PTCD3: variants seen among roughly 807,000 people sequenced by gnomAD.
PTCD3 encodes the protein pentatricopeptide repeat domain 3.
A neutral mutation model predicts 101.9 loss-of-function variants in PTCD3; 89 were observed. That is an observed-to-expected ratio of 0.87 (90% CI 0.74 to 1.04). PTCD3 has a LOEUF of 1.04. PTCD3 is among the 50% of genes least tolerant of loss of function. PTCD3 has a pLI of 0.00. For synonymous variants in PTCD3, 296 were observed against 278.5 expected (o/e 1.06, Z -0.63); for missense variants, 870 against 828.2 (o/e 1.05, Z -0.62).
chr2:86,137,140 A>C lies in PTCD3; in HGVS notation c.1979A>C (p.Lys660Thr). Reference protein sequence around the residue: ...MSDFAINQEQKEALSNLTALT... With the variant: ...MSDFAINQEQTEALSNLTALT... The stretch of plus-strand genomic sequence containing the variant: ...GATTTTGCAATCAACCAGGAACAAA[A>C]GTAAGTGGTCACCATGAAGCATAGT... The change falls in exon 23 of 24, where the codon AAG (lysine) becomes ACG (threonine). Residue 660 changes from lysine (K) to threonine (T), a missense_variant and splice_region_variant. Transcript: ENST00000254630. 4 of 1,579,162 alleles carry C rather than the reference A, an allele frequency of 2.5e-6. No individual in the cohort carries two copies. The highest frequency in any genetic ancestry group is 3.4e-6 in the Non-Finnish European group (4 of 1,163,776).
At position 86,132,358 on chromosome 2, in the gene PTCD3, A is replaced by T. The variant is rs375042597; in HGVS notation, c.1307A>T (p.His436Leu). Residue 436 changes from histidine (H) to leucine (L), a missense_variant, in exon 17 of 24, where the codon CAT becomes CTT. Coordinates refer to ENST00000254630, the MANE Select transcript of PTCD3 (RefSeq NM_017952.6). Reference sequence around the variant, plus strand: ...GATCTAGAACTTGCCTACCAAGTACATGGCCTTTTAAAAACCGGAGACAAC... The same window carrying T: ...GATCTAGAACTTGCCTACCAAGTACTTGGCCTTTTAAAAACCGGAGACAAC... ...LRDLELAYQVHGLLKTGDNWK... is the reference protein window; with the variant it reads ...LRDLELAYQVLGLLKTGDNWK... 1 of 1,609,320 alleles carries T rather than the reference A, an allele frequency of 6.2e-7. No individual in the cohort carries two copies. The highest frequency in any genetic ancestry group is 8.5e-7 in the Non-Finnish European group (1 of 1,175,960).
chr2:86,112,382 T>C (rs2104448444), intron 4 of PTCD3, among the ~76,000 whole-genome samples: 1 of 144,958 alleles, frequency 6.9e-6, no homozygotes, highest in East Asian at 2.2e-4. Context: ...AAGAATAAAA[T>C]TATTGGCCAG....
At chr2:86,127,847 A>G (rs1674423525) in intron 13 of PTCD3, 94 bp from the exon 14 acceptor site, 1 of 996,738 alleles carries the variant, frequency 1.0e-6, no homozygotes, top group South Asian at 1.3e-5. Context: ...TATTAACAAT[A>G]TGTTTTTAAT....
rs1418564969 is a variant in PTCD3 at position 86,135,007 on chromosome 2, T to C, written c.1778+20T>C. 26 of 1,601,410 alleles carry C rather than the reference T, an allele frequency of 1.6e-5. No individual in the cohort carries two copies. Among genetic ancestry groups the C allele is most frequent in the Non-Finnish European group, 2.2e-5 (26 of 1,172,796 alleles). ...AGCCTGGTGAGTACAGTACCACAAG[T>C]ATACACTTTAGAAGCTTTTGTATTT... is the stretch of plus-strand genomic sequence containing the variant. On this transcript the variant is annotated intron_variant, in intron 21 of 23. Coordinates refer to ENST00000254630, the MANE Select transcript of PTCD3 (RefSeq NM_017952.6).
Position 86,127,193 on chromosome 2 carries a change from G to A in PTCD3, c.984G>A (p.Val328=). 2 of 1,613,672 alleles carry A rather than the reference G, an allele frequency of 1.2e-6. No homozygotes were observed. Among genetic ancestry groups the A allele is most frequent in the Non-Finnish European group, 1.7e-6 (2 of 1,179,846 alleles). ...ELLRHMVAQK[V]KPNLQTFNTI... ...TAAGACACATGGTTGCACAGAAGGTGAAACCAAATCTTCAGACTTTTAATA... is the reference window on the plus strand; with the variant it reads ...TAAGACACATGGTTGCACAGAAGGTAAAACCAAATCTTCAGACTTTTAATA... Residue 328 remains valine (V), a synonymous_variant, in exon 13 of 24, where the codon GTG becomes GTA. Coordinates refer to ENST00000254630, the MANE Select transcript of PTCD3 (RefSeq NM_017952.6).
chr2:86,136,669 A>G, intron 22 of PTCD3, 107 bp downstream of exon 22: 1 of 1,312,666 alleles, frequency 7.6e-7, no homozygotes, highest in Non-Finnish European at 1.1e-6. Context: ...TCTGTTAGGC[A>G]AGCATACCGT....
chr2:86,106,326 T>G lies in PTCD3; in HGVS notation c.79T>G (p.Leu27Val). The change falls in exon 1 of 24, where the codon TTG (leucine) becomes GTG (valine). Residue 27 changes from leucine to valine, a missense_variant. Transcript: ENST00000254630. ...GCCGCTGACGGGTCGGCGGGCGGGTTTGTGTGAACAGGCACGCAGCTGCAG... is the reference window on the plus strand; with the variant it reads ...GCCGCTGACGGGTCGGCGGGCGGGTGTGTGTGAACAGGCACGCAGCTGCAG... Reference protein sequence around the residue: ...GQPLTGRRAGLCEQARSCRFY... With the variant: ...GQPLTGRRAGVCEQARSCRFY... 1.2e-6 allele frequency: 2 copies of G among 1,613,964 alleles called. No individual in the cohort carries two copies.
chr2:86,121,262 A>G (rs780937524), intron 7 of PTCD3, among the ~76,000 whole-genome samples: 19 of 152,234 alleles, frequency 1.2e-4, no homozygotes, highest in Non-Finnish European at 2.1e-4. Flanking sequence ...TTGTGTTCCA[A>G]TCTTCTACGT....
chr2:86,113,453 C>G (rs1009271440), intron 4 of PTCD3, among the ~76,000 whole-genome samples: 4 of 152,052 alleles, frequency 2.6e-5, no homozygotes, highest in African/African-American at 9.7e-5. Flanking sequence ...CTCCTTAAGT[C>G]GATTATTACA....
At chr2:86,127,330 T>C in intron 13 of PTCD3, 25 bp downstream of exon 13, 2 of 1,608,788 alleles carry the variant, frequency 1.2e-6, no homozygotes, top group Non-Finnish European at 1.7e-6. Context: ...TTGAGTTCTC[T>C]GAGGACAGAG....
rs975911932 is a variant in PTCD3 at position 86,138,941 on chromosome 2, C to T, written c.*1382C>T. 2 of 152,166 alleles carry T rather than the reference C, an allele frequency of 1.3e-5. No individual in the cohort carries two copies. The highest frequency in any genetic ancestry group is 4.8e-5 in the African/African-American group (2 of 41,416). The allele number at this position is 152,166 out of a possible 1,614,324, so 9.4% of individuals were successfully genotyped here. The stretch of plus-strand genomic sequence containing the variant: ...CGGTATGCCTCTTCCTATCCAGGCA[C>T]CTATTCTGAATCACCATGTTGCTCT... On this transcript the variant is annotated 3_prime_UTR_variant, in exon 24 of 24. Transcript: ENST00000254630.
At chr2:86,132,799 G>C (rs775522781) in intron 17 of PTCD3, 8 of 304,578 alleles carry the variant, frequency 2.6e-5, no homozygotes, top group Non-Finnish European at 4.2e-5. Context: ...TCCCTAAATG[G>C]GTTTGCTTTT....
intron 16 of PTCD3, 152 bp from the exon 17 acceptor site, chr2:86,132,166 G>C: frequency 1.9e-6 from 1 of 532,466 alleles, no homozygotes; most frequent in Non-Finnish European, 3.3e-6. Context: ...CTTGGGATTT[G>C]TCTCCCCCCC....
intron 3 of PTCD3, among the ~76,000 whole-genome samples, chr2:86,110,609 T>C (rs1674060043): frequency 6.6e-6 from 1 of 152,176 alleles, no homozygotes; most frequent in South Asian, 2.1e-4. Context: ...GGTTGAGAGG[T>C]TCTAAACCAG....
chr2:86,136,298 A>G (rs556809099), intron 21 of PTCD3, among the ~76,000 whole-genome samples: 49 of 152,176 alleles, frequency 3.2e-4, no homozygotes, highest in Non-Finnish European at 5.6e-4. Flanking sequence ...TTACCTGTGA[A>G]AACTGCAGTG....
chr2:86,107,412 C>T (rs1435059301), intron 1 of PTCD3, among the ~76,000 whole-genome samples: 2 of 152,158 alleles, frequency 1.3e-5, no homozygotes, highest in East Asian at 3.8e-4. Context: ...TAAATGATAC[C>T]TGAAACCAGA....
Position 86,116,589 on chromosome 2 carries a change from T to A in PTCD3, c.300T>A (p.Ser100=). The change falls in exon 5 of 24, where the codon TCT becomes TCA. Residue 100 remains serine, a synonymous_variant. Coordinates refer to ENST00000254630, the MANE Select transcript of PTCD3 (RefSeq NM_017952.6). ...QDDPYLMPAS[S]LESRSFLLAK... ...ATCCTTACCTTATGCCAGCATCATC[T>A]TTGGAATCTGTGAGTATTTTCATAT... is the stretch of plus-strand genomic sequence containing the variant. 6.2e-7 allele frequency: 1 copy of A among 1,606,640 alleles called. No individual in the cohort carries two copies. The highest frequency in any genetic ancestry group is 8.5e-7 in the Non-Finnish European group (1 of 1,173,208).
intron 16 of PTCD3, 40 bp from the exon 17 acceptor site, chr2:86,132,278 C>T (rs755185925): frequency 8.2e-7 from 1 of 1,222,158 alleles, no homozygotes; most frequent in South Asian, 1.3e-5. Context: ...CACTGGCTGA[C>T]AGGGTATCAG....
rs188754885 is a variant in PTCD3 at position 86,139,390 on chromosome 2, G to A, written c.*1831G>A. The A allele has an allele frequency of 1.3e-5, 2 of 152,376 alleles. No individual in the cohort carries two copies. Among genetic ancestry groups the A allele is most frequent in the African/African-American group, 4.8e-5 (2 of 41,552 alleles). 9.4% of individuals were successfully genotyped at this position (152,376 alleles called of 1,614,324 possible). On this transcript the variant is annotated 3_prime_UTR_variant, in exon 24 of 24. Coordinates refer to ENST00000254630, the MANE Select transcript of PTCD3 (RefSeq NM_017952.6). The stretch of plus-strand genomic sequence containing the variant: ...ATGTATCTGTGTCCCAGCTAATTGG[G>A]AGGGTGAGTTGGGAGGATTGTTTGA...
Sources: gnomAD v4.1 joint callset for allele counts (sites outside exome capture counted in the v4.1 genomes callset) on GRCh38, gnomAD v4.1.1 for gene constraint, MANE v1.5 for transcripts, NCBI Gene and HGNC (gene_info 2026-07-23, HGNC 2026-07-21) for gene names.